Variants in ZNF704 observed in about 807,000 individuals in gnomAD.
ZNF704 encodes the protein zinc finger protein 704, also known as glucocorticoid induced gene 1.
In ZNF704, 10 loss-of-function variants were observed where a neutral mutation model predicts 44.7. That is an observed-to-expected ratio of 0.22 (90% CI 0.14 to 0.38). ZNF704 has a LOEUF of 0.38. Ranked by LOEUF, ZNF704 falls within the 10% of genes least tolerant of loss-of-function variation. The probability of loss-of-function intolerance (pLI) is 1.00; values close to 1 mark genes in which losing one functional copy is unlikely to be tolerated. For missense variants in ZNF704, 390 were observed against 545.5 expected (o/e 0.71, Z 2.84); for synonymous variants, 211 against 207.6 (o/e 1.02, Z -0.14).
intron 2 of ZNF704, among the ~76,000 whole-genome samples, chr8:80,770,208 T>G (rs530294755): frequency 6.6e-6 from 1 of 152,282 alleles, no homozygotes; most frequent in South Asian, 2.1e-4. Flanking sequence ...AGTAACCTCT[T>G]GTAAAACCAC....
intron 2 of ZNF704, among the ~76,000 whole-genome samples, chr8:80,715,662 A>G (rs1312261672): frequency 6.6e-6 from 1 of 152,212 alleles, no homozygotes; most frequent in Non-Finnish European, 1.5e-5. Flanking sequence ...GGAGAACTTT[A>G]AAATATAACA....
chr8:80,689,425 C>T (rs1818595403), intron 3 of ZNF704, among the ~76,000 whole-genome samples: 2 of 152,120 alleles, frequency 1.3e-5, no homozygotes, highest in African/African-American at 4.8e-5. Context: ...ATCAACAAAA[C>T]CAAACTAGCA....
intron 2 of ZNF704, among the ~76,000 whole-genome samples, chr8:80,753,467 G>A (rs1298044714): frequency 6.6e-6 from 1 of 151,928 alleles, no homozygotes; most frequent in Admixed American, 6.6e-5. Context: ...AAAAGGAGGG[G>A]GGACAAGAAA....
intron 1 of ZNF704, among the ~76,000 whole-genome samples, chr8:80,858,620 CT>C (rs1225229038): frequency 6.6e-6 from 1 of 151,942 alleles, no homozygotes; most frequent in African/African-American, 2.4e-5. Flanking sequence ...GTAATCCCAG[CT>C]GTTCGGGAGG....
At chr8:80,739,332 G>A (rs1179626581) in intron 2 of ZNF704, among the ~76,000 whole-genome samples, 1 of 152,132 alleles carries the variant, frequency 6.6e-6, no homozygotes, top group African/African-American at 2.4e-5. Context: ...CTGTCTCCCT[G>A]GGATATGACA....
chr8:80,698,950 G>C (rs1400281760), intron 2 of ZNF704, among the ~76,000 whole-genome samples: 1 of 152,104 alleles, frequency 6.6e-6, no homozygotes, highest in East Asian at 1.9e-4. Flanking sequence ...ACTAGCTAAG[G>C]GAGAGATGTT....
chr8:80,813,703 C>A (rs1179161022), intron 2 of ZNF704, among the ~76,000 whole-genome samples: 7 of 151,992 alleles, frequency 4.6e-5, no homozygotes, highest in Non-Finnish European at 7.4e-5. Flanking sequence ...ACGGTGAAAC[C>A]CCGTCTCTAC....
At chr8:80,712,914 A>G (rs1253972606) in intron 2 of ZNF704, among the ~76,000 whole-genome samples, 2 of 151,676 alleles carry the variant, frequency 1.3e-5, no homozygotes, top group African/African-American at 2.4e-5. Flanking sequence ...TGGTTTTTTG[A>G]GACAGAATTT....
In ZNF704 at chr8:80,835,044, G is replaced by A. The variant is rs79406359; in HGVS notation, c.-21-13429C>T. Among the ~76,000 whole-genome samples the A allele has an allele frequency of 1.2e-4, 19 of 152,268 alleles. No homozygotes were observed. In the East Asian group the frequency reaches 1.9e-3, roughly 15 times the overall value. On this transcript the variant is annotated intron_variant, in intron 1 of 8. Coordinates refer to ENST00000327835, the MANE Select transcript of ZNF704 (RefSeq NM_001033723.3). ...AATATTCAACAAAGCAAGACTTGGC[G>A]TGCTGCATGGAAGATTAGTCAGCAG...
At chr8:80,759,325 A>G (rs1396827856) in intron 2 of ZNF704, among the ~76,000 whole-genome samples, 1 of 150,424 alleles carries the variant, frequency 6.6e-6, no homozygotes, top group East Asian at 2.0e-4. Flanking sequence ...TCACACCTGC[A>G]TACAAGCTTT....
intron 2 of ZNF704, among the ~76,000 whole-genome samples, chr8:80,794,973 T>C (rs1480234916): frequency 2.6e-5 from 4 of 152,192 alleles, no homozygotes; most frequent in South Asian, 2.1e-4. Context: ...ACATGAAGCA[T>C]TGCACAGAGA....
At chr8:80,724,570 C>T (rs1806442754) in intron 2 of ZNF704, among the ~76,000 whole-genome samples, 1 of 152,200 alleles carries the variant, frequency 6.6e-6, no homozygotes, top group African/African-American at 2.4e-5. Flanking sequence ...TCCAGACCTT[C>T]TAAAACTGTA....
chr8:80,820,036 T>C (rs1808243128), intron 2 of ZNF704, among the ~76,000 whole-genome samples: 1 of 152,220 alleles, frequency 6.6e-6, no homozygotes, highest in Non-Finnish European at 1.5e-5. Flanking sequence ...TCTCAAACAA[T>C]TGCTATAAGC....
At position 80,855,829 on chromosome 8, in the gene ZNF704, G is replaced by C. The variant is rs1243444932; in HGVS notation, c.-22+18742C>G. 2.6e-5 allele frequency among the ~76,000 whole-genome samples: 4 copies of C among 152,236 alleles called. No homozygotes were observed. In the East Asian group the frequency reaches 7.7e-4, roughly 29 times the overall value. ...ATAGCAGAGAAGTTCAACCTCCTAA[G>C]GTAACGAAGACTATAGTGAAACAAA... On this transcript the variant is annotated intron_variant, in intron 1 of 8. Coordinates refer to ENST00000327835, the MANE Select transcript of ZNF704 (RefSeq NM_001033723.3).
chr8:80,739,267 C>CAT (rs1806716646), intron 2 of ZNF704, among the ~76,000 whole-genome samples: 1 of 152,162 alleles, frequency 6.6e-6, no homozygotes, highest in Non-Finnish European at 1.5e-5. Context: ...TCTTCTTATA[C>CAT]ATCAGGTGCT....
intron 2 of ZNF704, among the ~76,000 whole-genome samples, chr8:80,732,047 A>G (rs1346815090): frequency 2.0e-5 from 3 of 152,360 alleles, no homozygotes; most frequent in African/African-American, 2.4e-5. Context: ...TGCACATAGT[A>G]TAACAGAAAC....
intron 4 of ZNF704, among the ~76,000 whole-genome samples, chr8:80,671,572 C>T (rs926947315): frequency 2.0e-5 from 3 of 152,238 alleles, no homozygotes; most frequent in Admixed American, 6.5e-5. Flanking sequence ...TATGATTATG[C>T]ATCCTAGAGT....
intron 7 of ZNF704, among the ~76,000 whole-genome samples, chr8:80,653,782 T>A (rs1206948341): frequency 6.6e-6 from 1 of 152,148 alleles, no homozygotes; most frequent in Non-Finnish European, 1.5e-5. Context: ...AATTCATAGA[T>A]TCAATGTCAT....
At chr8:80,704,281 A>T (rs1192309303) in intron 2 of ZNF704, among the ~76,000 whole-genome samples, 2 of 152,234 alleles carry the variant, frequency 1.3e-5, no homozygotes, top group African/African-American at 4.8e-5. Flanking sequence ...TTGTAGGTTT[A>T]GCGCTTTTGA....
Sources: allele counts gnomAD v4.1 joint callset (sites outside exome capture counted in the v4.1 genomes callset), GRCh38; gene constraint gnomAD v4.1.1; transcripts MANE v1.5; gene names NCBI Gene and HGNC (gene_info 2026-07-23, HGNC 2026-07-21).